Variants in PHKB observed in about 807,000 individuals in gnomAD.
PHKB encodes the protein phosphorylase b kinase regulatory subunit beta.
A neutral mutation model predicts 152.1 loss-of-function variants in PHKB; 122 were observed. That is an observed-to-expected ratio of 0.80 (90% CI 0.69 to 0.93). The LOEUF (loss-of-function observed/expected upper bound fraction) is 0.93, where lower values mean the gene tolerates loss of function less well. Ranked by LOEUF, PHKB falls within the 40% of genes least tolerant of loss-of-function variation. The pLI, the probability that PHKB is intolerant of heterozygous loss-of-function variation, is 0.00. For missense variants in PHKB, 1,304 were observed against 1,328.4 expected, an observed-to-expected ratio of 0.98 and a Z score of 0.29; for synonymous variants, 436 against 464.9, an observed-to-expected ratio of 0.94 and a Z score of 0.80.
chr16:47,573,713 G>A (rs1971701667), intron 7 of PHKB, among the ~76,000 whole-genome samples: 2 of 152,162 alleles, frequency 1.3e-5, no homozygotes. Context: ...TGCCTCTGTG[G>A]CAAAAGCCTG....
At chr16:47,647,099 A>T (rs1258632748) in intron 16 of PHKB, among the ~76,000 whole-genome samples, 2 of 151,552 alleles carry the variant, frequency 1.3e-5, no homozygotes, top group Non-Finnish European at 2.9e-5. Flanking sequence ...CTCAGTTTTT[A>T]TTTATTTATT....
chr16:47,556,246 T>C (rs558998397), intron 7 of PHKB, among the ~76,000 whole-genome samples: 1 of 152,342 alleles, frequency 6.6e-6, no homozygotes, highest in African/African-American at 2.4e-5. Flanking sequence ...TTTTCCTAAT[T>C]GAATGCCCTT....
At chr16:47,486,412 A>T (rs1426782290) in intron 1 of PHKB, among the ~76,000 whole-genome samples, 5 of 152,234 alleles carry the variant, frequency 3.3e-5, no homozygotes, top group Non-Finnish European at 7.3e-5. Context: ...CCTGAAGATG[A>T]TGTAATTTAA....
chr16:47,493,324 A>G (rs1970181679), intron 1 of PHKB, among the ~76,000 whole-genome samples: 1 of 152,166 alleles, frequency 6.6e-6, no homozygotes, highest in Non-Finnish European at 1.5e-5. Context: ...AAAATTTTAC[A>G]TTTTCCTTTT....
chr16:47,612,130 T>A (rs996700483), intron 14 of PHKB, among the ~76,000 whole-genome samples: 1 of 152,216 alleles, frequency 6.6e-6, no homozygotes, highest in Non-Finnish European at 1.5e-5. Context: ...TGATTTGAAA[T>A]ACACCATTTT....
chr16:47,617,691 T>C lies in PHKB; in HGVS notation c.1458+6771T>C, dbSNP rs900212653. On this transcript the variant is annotated intron_variant, in intron 14 of 30. Coordinates refer to ENST00000323584, the MANE Select transcript of PHKB (RefSeq NM_000293.3). ...ATCATTCAATCATATATTAGTGTGATAAGTGGGCTGATTATTCTCAGTGTA... is the reference window on the plus strand; with the variant it reads ...ATCATTCAATCATATATTAGTGTGACAAGTGGGCTGATTATTCTCAGTGTA... 7.2e-5 allele frequency among the ~76,000 whole-genome samples: 11 copies of C among 152,336 alleles called. No homozygotes were observed. In the East Asian group the frequency reaches 9.6e-4, roughly 13 times the overall value.
chr16:47,671,011 C>A (rs1281671531), intron 26 of PHKB, among the ~76,000 whole-genome samples: 1 of 152,100 alleles, frequency 6.6e-6, no homozygotes, highest in Non-Finnish European at 1.5e-5. Context: ...CCATCTACTA[C>A]CCACCTGCTC....
intron 7 of PHKB, among the ~76,000 whole-genome samples, chr16:47,569,989 G>A (rs1051146070): frequency 1.3e-5 from 2 of 152,116 alleles, no homozygotes; most frequent in African/African-American, 4.8e-5. Context: ...TACTGGTGAC[G>A]GATTCCCTCA....
At chr16:47,492,276 CAGATTA>C (rs1567277686) in intron 1 of PHKB, among the ~76,000 whole-genome samples, 1 of 152,282 alleles carries the variant, frequency 6.6e-6, no homozygotes, top group East Asian at 1.9e-4. Context: ...AGATTGGCTA[CAGATTA>C]AGACCAGCCT....
At chr16:47,584,579 C>T (rs1435904696) in intron 8 of PHKB, among the ~76,000 whole-genome samples, 1 of 152,210 alleles carries the variant, frequency 6.6e-6, no homozygotes, top group Admixed American at 6.5e-5. Context: ...TGGCTATTTA[C>T]ACATCTATTG....
At chr16:47,548,452 C>G (rs1035421109) in intron 7 of PHKB, among the ~76,000 whole-genome samples, 2 of 151,924 alleles carry the variant, frequency 1.3e-5, no homozygotes, top group African/African-American at 4.8e-5. Flanking sequence ...ACCAAAAATA[C>G]AAAAAGTAGC....
rs1402292054 is a variant in PHKB, at chr16:47,610,837, A to G, written c.1375A>G (p.Ile459Val). 1.3e-6 allele frequency: 2 copies of G among 1,597,618 alleles called. No homozygotes were observed. The highest frequency in any genetic ancestry group is 1.7e-6 in the Non-Finnish European group (2 of 1,165,302). ...IIAKLLADEL[I>V]SPKDIDPVQR... ...CTTCTTTTTTTCAGCTGATGAACTT[A>G]TTAGTCCTAAAGACATTGATCCTGT... Residue 459 changes from isoleucine (I) to valine (V), a missense_variant, in exon 14 of 31, where the codon ATT becomes GTT. Physicochemically the swap from Ile to Val is conservative, Grantham distance 29. Coordinates refer to ENST00000323584, the MANE Select transcript of PHKB (RefSeq NM_000293.3).
At chr16:47,548,564 G>T (rs2151673147) in intron 7 of PHKB, among the ~76,000 whole-genome samples, 1 of 149,986 alleles carries the variant, frequency 6.7e-6, no homozygotes, top group South Asian at 2.1e-4. Flanking sequence ...CCAAGATTGT[G>T]CCACTGCACT....
chr16:47,681,322 C>G lies in PHKB; in HGVS notation c.2631-7719C>G, dbSNP rs186111755. ...AGAGCTGAGTTCAATTCCTGGGTAT[C>G]CTTGTTAACTTTCTGTCTCGTTGAT... On this transcript the variant is annotated intron_variant, in intron 26 of 30. Transcript: ENST00000323584. Among the ~76,000 whole-genome samples the G allele has an allele frequency of 3.2e-4, 48 of 148,676 alleles. 1 individual carries two copies. The highest frequency in any genetic ancestry group is 1.1e-3 in the African/African-American group (43 of 40,914).
chr16:47,618,011 C>G (rs1237410876), intron 14 of PHKB, among the ~76,000 whole-genome samples: 1 of 152,228 alleles, frequency 6.6e-6, no homozygotes, highest in Non-Finnish European at 1.5e-5. Flanking sequence ...GGCCTTTAAT[C>G]AGTCCTTCTA....
intron 1 of PHKB, among the ~76,000 whole-genome samples, chr16:47,461,847 A>G (rs1969566767): frequency 6.6e-6 from 1 of 152,254 alleles, no homozygotes. Flanking sequence ...ATCTGGCTGC[A>G]GAAAGCCGGC....
At chr16:47,494,977 A>G (rs1265780063) in intron 1 of PHKB, among the ~76,000 whole-genome samples, 1 of 152,210 alleles carries the variant, frequency 6.6e-6, no homozygotes, top group African/African-American at 2.4e-5. Context: ...AAACAATACA[A>G]TGATGATCAC....
chr16:47,564,275 T>C (rs1410327290), intron 7 of PHKB, among the ~76,000 whole-genome samples: 4 of 152,108 alleles, frequency 2.6e-5, no homozygotes, highest in Non-Finnish European at 5.9e-5. Context: ...AATATCGTAC[T>C]AACTTTCATT....
At chr16:47,566,862 C>A (rs1258747349) in intron 7 of PHKB, 8 of 706,316 alleles carry the variant, frequency 1.1e-5, no homozygotes, top group East Asian at 2.6e-5. Context: ...GAGAGTCTTC[C>A]CCTTCTTATT....
Sources: gnomAD v4.1 joint callset for allele counts (sites outside exome capture counted in the v4.1 genomes callset) on GRCh38, gnomAD v4.1.1 for gene constraint, MANE v1.5 for transcripts, NCBI Gene and HGNC (gene_info 2026-07-23, HGNC 2026-07-21) for gene names.